Variants in VPS37A observed in about 807,000 individuals in gnomAD.
VPS37A encodes vacuolar protein sorting-associated protein 37A.
VPS37A carries 30 observed loss-of-function variants against 49.8 expected under a neutral mutation model. The ratio of observed to expected loss-of-function variants is 0.60; its 90% CI spans 0.45 to 0.82. VPS37A has a LOEUF of 0.82. Ranked by LOEUF, VPS37A falls within the 40% of genes least tolerant of loss-of-function variation. The probability of loss-of-function intolerance (pLI) is 0.00; values close to 1 mark genes in which losing one functional copy is unlikely to be tolerated. For missense variants in VPS37A, 593 were observed against 464.4 expected, an observed-to-expected ratio of 1.28 and a Z score of -2.55; for synonymous variants, 195 against 160.6, an observed-to-expected ratio of 1.21 and a Z score of -1.62.
intron 1 of VPS37A, among the ~76,000 whole-genome samples, chr8:17,249,387 G>T (rs969585613): frequency 5.3e-5 from 8 of 152,170 alleles, no homozygotes; most frequent in Non-Finnish European, 1.0e-4. Context: ...AATTATGAAC[G>T]TATGATTGGA....
At chr8:17,257,159 C>T (rs1812541196) in intron 1 of VPS37A, among the ~76,000 whole-genome samples, 1 of 152,086 alleles carries the variant, frequency 6.6e-6, no homozygotes, top group African/African-American at 2.4e-5. Context: ...CCCAATTTTC[C>T]CAGCACCGTT....
At chr8:17,252,047 A>G (rs966156820) in intron 1 of VPS37A, among the ~76,000 whole-genome samples, 1 of 152,210 alleles carries the variant, frequency 6.6e-6, no homozygotes, top group African/African-American at 2.4e-5. Context: ...AACACAAGAG[A>G]TATTGTAATG....
intron 9 of VPS37A, 33 bp downstream of exon 9, chr8:17,280,476 G>A: frequency 6.4e-7 from 1 of 1,565,532 alleles, no homozygotes; most frequent in Middle Eastern, 1.9e-4. Context: ...CTTTGCCATA[G>A]ATTTTTTTTT....
At chr8:17,265,527 C>G (rs943619466) in intron 1 of VPS37A, among the ~76,000 whole-genome samples, 1 of 152,142 alleles carries the variant, frequency 6.6e-6, no homozygotes, top group Admixed American at 6.5e-5. Flanking sequence ...CCCCAGCTGC[C>G]GATATTGCTT....
intron 1 of VPS37A, among the ~76,000 whole-genome samples, chr8:17,259,675 T>A (rs193075105): frequency 2.0e-5 from 3 of 152,238 alleles, no homozygotes; most frequent in Admixed American, 2.0e-4. Flanking sequence ...AGAGTGAAAG[T>A]CCCCTATAGT....
At chr8:17,261,133 G>T (rs1159285724) in intron 1 of VPS37A, among the ~76,000 whole-genome samples, 1 of 152,098 alleles carries the variant, frequency 6.6e-6, no homozygotes, top group Admixed American at 6.6e-5. Context: ...GCAATATTCT[G>T]TATTTCGTAG....
intron 6 of VPS37A, among the ~76,000 whole-genome samples, chr8:17,277,177 T>G (rs1814592401): frequency 1.3e-5 from 2 of 152,048 alleles, no homozygotes; most frequent in African/African-American, 4.8e-5. Flanking sequence ...CATGAGAAAT[T>G]CTGTAGTTTA....
the VPS37A span, among the ~76,000 whole-genome samples, chr8:17,318,530 T>C: frequency 6.6e-6 from 1 of 152,092 alleles, no homozygotes; most frequent in South Asian, 2.1e-4. Context: ...TAACGGATAG[T>C]GTTCCCGATG....
intron 1 of VPS37A, among the ~76,000 whole-genome samples, chr8:17,256,439 G>A (rs1812469875): frequency 6.6e-6 from 1 of 151,014 alleles, no homozygotes; most frequent in African/African-American, 2.4e-5. Flanking sequence ...CCTGTATGCT[G>A]CTTTTGAGAA....
At chr8:17,272,364 A>G (rs1284562038) in intron 4 of VPS37A, among the ~76,000 whole-genome samples, 1 of 152,150 alleles carries the variant, frequency 6.6e-6, no homozygotes, top group African/African-American at 2.4e-5. Flanking sequence ...TCTATGTTCT[A>G]GAGTCCTGAG....
At chr8:17,270,315 C>A (rs1813854990) in intron 4 of VPS37A, among the ~76,000 whole-genome samples, 1 of 152,072 alleles carries the variant, frequency 6.6e-6, no homozygotes, top group East Asian at 1.9e-4. Flanking sequence ...AAGAATCTAC[C>A]ATTTGGTTAG....
At chr8:17,303,997 G>A (rs182897123), downstream of VPS37A, among the ~76,000 whole-genome samples, 76 of 152,118 alleles carry the variant, frequency 5.0e-4, no homozygotes, top group African/African-American at 1.3e-3. Context: ...GTTGTATAAC[G>A]GCAAAAACCA....
At chr8:17,304,746 C>CATGTGTGTGTGTGTGTGT (rs1554504621), downstream of VPS37A, among the ~76,000 whole-genome samples, 1 of 146,992 alleles carries the variant, frequency 6.8e-6, no homozygotes. Context: ...GTGTTCGATT[C>CATGTGTGTGTGTGTGTGT]GTGTGTGTGT....
intron 11 of VPS37A, among the ~76,000 whole-genome samples, chr8:17,294,079 T>G (rs1816387814): frequency 6.6e-6 from 1 of 152,220 alleles, no homozygotes; most frequent in Admixed American, 6.5e-5. Flanking sequence ...GGTGCTCTGT[T>G]GCAGGGAGAT....
chr8:17,293,370 CA>C (rs1816319830), intron 11 of VPS37A, among the ~76,000 whole-genome samples: 3 of 151,990 alleles, frequency 2.0e-5, no homozygotes, highest in Admixed American at 2.0e-4. Context: ...AACCTTTTAT[CA>C]AGGTTCTTAG....
In VPS37A at chr8:17,256,290, A is replaced by ATTTTTTTTTTTT. The variant is rs529736602; in HGVS notation, c.125+8938_125+8949dup. ...AAGTCTTTTTAGCTGGGGTAAAATG[A>ATTTTTTTTTTTT]TTTTTTTTTTTTTTTTTTTTTTTTT... On this transcript the variant is annotated intron_variant, in intron 1 of 11. Transcript: ENST00000324849. Among the ~76,000 whole-genome samples the ATTTTTTTTTTTT allele has an allele frequency of 7.3e-4, 44 of 60,400 alleles. 7 individuals carry two copies. Among genetic ancestry groups the ATTTTTTTTTTTT allele is most frequent in the African/African-American group, 2.9e-3 (40 of 13,736 alleles). The allele number at this position is 60,400 out of a possible 152,430, so 39.6% of individuals were successfully genotyped here.
At chr8:17,311,662 G>C in the VPS37A span, 12 of 1,613,670 alleles carry the variant, frequency 7.4e-6, no homozygotes, top group Admixed American at 1.7e-5. Flanking sequence ...TCCGCAAAGA[G>C]TCACAAAGAA....
chr8:17,321,297 G>C, the VPS37A span, among the ~76,000 whole-genome samples: 5 of 152,258 alleles, frequency 3.3e-5, no homozygotes, highest in Non-Finnish European at 7.3e-5. Context: ...TCCTGCCAGA[G>C]AGAATGTCCC....
chr8:17,322,472 G>C, the VPS37A span, among the ~76,000 whole-genome samples: 1 of 152,154 alleles, frequency 6.6e-6, no homozygotes, highest in Admixed American at 6.6e-5. Flanking sequence ...GGTTTAACAC[G>C]TGGTAAGGAA....
Sources: gnomAD v4.1 joint callset for allele counts (sites outside exome capture counted in the v4.1 genomes callset) on GRCh38, gnomAD v4.1.1 for gene constraint, MANE v1.5 for transcripts, NCBI Gene and HGNC (gene_info 2026-07-23, HGNC 2026-07-21) for gene names.